CDH4: variants seen among roughly 807,000 people sequenced by gnomAD.
CDH4 encodes the protein cadherin 4.
CDH4 carries 33 observed loss-of-function variants against 86.0 expected under a neutral mutation model. The observed-to-expected ratio is 0.38, with a 90% CI of 0.29 to 0.51. CDH4 has a LOEUF of 0.51. Ranked by LOEUF, CDH4 falls within the 20% of genes least tolerant of loss-of-function variation. The probability of loss-of-function intolerance (pLI) is 0.86; values close to 1 mark genes in which losing one functional copy is unlikely to be tolerated. For synonymous variants in CDH4, 555 were observed against 549.4 expected (o/e 1.01, Z -0.14); for missense variants, 1,114 against 1,307.4 (o/e 0.85, Z 2.28).
chr20:61,918,672 G>A (rs976358144), intron 9 of CDH4, among the ~76,000 whole-genome samples: 1 of 152,136 alleles, frequency 6.6e-6, no homozygotes, highest in African/African-American at 2.4e-5. Context: ...GCTCACCTAA[G>A]CGTGGTGTCG....
intron 2 of CDH4, among the ~76,000 whole-genome samples, chr20:61,634,824 C>T (rs997027352): frequency 1.3e-5 from 2 of 152,244 alleles, no homozygotes; most frequent in African/African-American, 4.8e-5. Context: ...TCCCCTCCTG[C>T]CAGGCCCTGG....
At chr20:61,895,146 C>T (rs752397984) in intron 8 of CDH4, 99 bp downstream of exon 8, 116 of 1,413,832 alleles carry the variant, frequency 8.2e-5, no homozygotes, top group South Asian at 2.1e-4. Context: ...CTCTGCCTGA[C>T]GGGCACTTGG....
chr20:61,567,261 G>T (rs2086305808), intron 2 of CDH4, among the ~76,000 whole-genome samples: 2 of 152,226 alleles, frequency 1.3e-5, no homozygotes, highest in African/African-American at 4.8e-5. Flanking sequence ...GACGGCAGAA[G>T]TTACCTTAGT....
At chr20:61,728,060 A>G (rs1308986719) in intron 2 of CDH4, among the ~76,000 whole-genome samples, 13 of 152,204 alleles carry the variant, frequency 8.5e-5, no homozygotes, top group Admixed American at 8.5e-4. Context: ...GGGCCACCTC[A>G]GTGAGTGAGA....
chr20:61,750,886 A>C (rs2145953935), intron 3 of CDH4, among the ~76,000 whole-genome samples: 1 of 152,352 alleles, frequency 6.6e-6, no homozygotes, highest in South Asian at 2.1e-4. Context: ...AATAGCATTA[A>C]AAACGATCAT....
chr20:61,256,243 G>A (rs991564709), intron 2 of CDH4, among the ~76,000 whole-genome samples: 2 of 152,162 alleles, frequency 1.3e-5, no homozygotes, highest in Admixed American at 6.5e-5. Context: ...AACTCGTGGG[G>A]CACTGACTGC....
chr20:61,841,055 C>G (rs905251754), intron 4 of CDH4, among the ~76,000 whole-genome samples: 1 of 152,248 alleles, frequency 6.6e-6, no homozygotes, highest in Non-Finnish European at 1.5e-5. Context: ...CAATAGCGCA[C>G]AGTGAATCTA....
Position 61,535,322 on chromosome 20 carries a change from C to G in CDH4, c.170-208241C>G, listed in dbSNP as rs558312756. Reference sequence around the variant, plus strand: ...GAGTCAGGTGCAGAGGTGCCCTGGCCAAGGGGACAGCCCCGGGGCGGCCCT... The same window carrying G: ...GAGTCAGGTGCAGAGGTGCCCTGGCGAAGGGGACAGCCCCGGGGCGGCCCT... On this transcript the variant is annotated intron_variant, in intron 2 of 15. Coordinates refer to ENST00000614565, the MANE Select transcript of CDH4 (RefSeq NM_001794.5). Among the ~76,000 whole-genome samples, 42 of 152,292 alleles carry G rather than the reference C, an allele frequency of 2.8e-4. No individual in the cohort carries two copies. The East Asian group carries it at 7.4e-3, about 27-fold the overall frequency.
At chr20:61,764,325 G>A (rs1016548719) in intron 3 of CDH4, among the ~76,000 whole-genome samples, 3 of 152,216 alleles carry the variant, frequency 2.0e-5, no homozygotes, top group Non-Finnish European at 4.4e-5. Context: ...GTCTTTGTCT[G>A]TGTGCCTTCC....
chr20:61,454,105 C>T (rs187688264), intron 2 of CDH4, among the ~76,000 whole-genome samples: 4 of 152,342 alleles, frequency 2.6e-5, no homozygotes, highest in Non-Finnish European at 5.9e-5. Flanking sequence ...AACAGACTAA[C>T]ACATGGCCAT....
At chr20:61,672,438 A>C (rs2087400927) in intron 2 of CDH4, among the ~76,000 whole-genome samples, 1 of 152,208 alleles carries the variant, frequency 6.6e-6, no homozygotes, top group Non-Finnish European at 1.5e-5. Context: ...AGCCCTCCGC[A>C]AAGTCAGACA....
At chr20:61,571,833 C>T (rs985043905) in intron 2 of CDH4, among the ~76,000 whole-genome samples, 1 of 140,506 alleles carries the variant, frequency 7.1e-6, no homozygotes, top group Non-Finnish European at 1.5e-5. Flanking sequence ...CAGAATCATG[C>T]TGCGCCAGGC....
intron 7 of CDH4, among the ~76,000 whole-genome samples, chr20:61,890,185 T>G (rs1984751477): frequency 2.0e-5 from 1 of 50,732 alleles, no homozygotes; most frequent in Non-Finnish European, 4.7e-5. Context: ...GGATGATGGA[T>G]GGATAGATGA....
chr20:61,497,452 TTTG>T (rs927217297), intron 2 of CDH4, among the ~76,000 whole-genome samples: 60 of 152,326 alleles, frequency 3.9e-4, no homozygotes, highest in African/African-American at 1.1e-3. Context: ...TTTGGGGTTT[TTTG>T]TTGTTGTTAA....
At chr20:61,293,723 T>TA (rs940484665) in intron 2 of CDH4, among the ~76,000 whole-genome samples, 2 of 152,166 alleles carry the variant, frequency 1.3e-5, no homozygotes, top group Non-Finnish European at 2.9e-5. Flanking sequence ...GAGGACCTCC[T>TA]AAATTATGAG....
chr20:61,324,393 A>C (rs1230736712), intron 2 of CDH4, among the ~76,000 whole-genome samples: 1 of 152,206 alleles, frequency 6.6e-6, no homozygotes, highest in Non-Finnish European at 1.5e-5. Context: ...CAGAACTCTG[A>C]TGTCAAAGTG....
intron 2 of CDH4, among the ~76,000 whole-genome samples, chr20:61,619,489 G>A (rs2086752504): frequency 2.0e-5 from 3 of 152,224 alleles, no homozygotes; most frequent in Non-Finnish European, 1.5e-5. Flanking sequence ...AACTCTCTGA[G>A]TTTGGCACAG....
At chr20:61,671,215 G>T (rs1256090693) in intron 2 of CDH4, among the ~76,000 whole-genome samples, 1 of 152,156 alleles carries the variant, frequency 6.6e-6, no homozygotes, top group Non-Finnish European at 1.5e-5. Flanking sequence ...AAGTGGACCA[G>T]GTGCAGTGGC....
intron 5 of CDH4, 112 bp from the exon 6 acceptor site, chr20:61,852,642 C>G (rs938748227): frequency 2.6e-6 from 3 of 1,137,640 alleles, no homozygotes; most frequent in African/African-American, 1.6e-5. Context: ...GCCCCTATAG[C>G]CAACCTGCTT....
Sources: allele counts gnomAD v4.1 joint callset (sites outside exome capture counted in the v4.1 genomes callset), GRCh38; gene constraint gnomAD v4.1.1; transcripts MANE v1.5; gene names NCBI Gene and HGNC (gene_info 2026-07-23, HGNC 2026-07-21).